TAPT1: variants seen among roughly 807,000 people sequenced by gnomAD.
The protein encoded by TAPT1 is transmembrane anterior posterior transformation 1, also known as transmembrane anterior posterior transformation protein 1 homolog.
TAPT1 carries 28 observed loss-of-function variants against 65.6 expected under a neutral mutation model. That is an observed-to-expected ratio of 0.43 (90% CI 0.32 to 0.59). The LOEUF is 0.59. Ranked by LOEUF, TAPT1 falls within the 20% of genes least tolerant of loss-of-function variation. TAPT1 has a pLI of 0.09. For missense variants in TAPT1, 563 were observed against 679.9 expected (o/e 0.83, Z 1.91); for synonymous variants, 278 against 245.2 (o/e 1.13, Z -1.25).
intron 2 of TAPT1, among the ~76,000 whole-genome samples, chr4:16,205,336 T>G (rs1220847972): frequency 6.6e-6 from 1 of 152,226 alleles, no homozygotes; most frequent in African/African-American, 2.4e-5. Flanking sequence ...TACCACCTGC[T>G]AGTCGAGGAT....
intron 1 of TAPT1, among the ~76,000 whole-genome samples, chr4:16,215,182 T>C (rs540584694): frequency 1.3e-5 from 2 of 151,876 alleles, no homozygotes; most frequent in African/African-American, 4.8e-5. Flanking sequence ...TCCCAGCTGC[T>C]TGGGAGGCTG....
chr4:16,169,185 G>A (rs1029747846), intron 12 of TAPT1, among the ~76,000 whole-genome samples: 7 of 152,220 alleles, frequency 4.6e-5, no homozygotes, highest in South Asian at 2.1e-4. Flanking sequence ...GCACTATCCA[G>A]GTGGAGAAGT....
chr4:16,164,126 T>C (rs1747426638), intron 13 of TAPT1, among the ~76,000 whole-genome samples: 1 of 152,124 alleles, frequency 6.6e-6, no homozygotes, highest in Non-Finnish European at 1.5e-5. Flanking sequence ...GAATCATACA[T>C]TCAATCCATG....
chr4:16,160,785 G>C lies in TAPT1; in HGVS notation c.*2523C>G, dbSNP rs1449112173. The C allele has an allele frequency of 6.6e-6, 1 of 152,618 alleles. No individual in the cohort carries two copies. The highest frequency in any genetic ancestry group is 1.5e-5 in the Non-Finnish European group (1 of 68,034). 9.5% of individuals were successfully genotyped at this position (152,618 alleles called of 1,614,324 possible). On this transcript the variant is annotated 3_prime_UTR_variant, in exon 14 of 14. Coordinates refer to ENST00000405303, the MANE Select transcript of TAPT1 (RefSeq NM_153365.3). Reference sequence around the variant, plus strand: ...GTAAATTTATCTCCTCCTCTGCTGAGTTACCAGGAGTGGCAGGATATATTT... The same window carrying C: ...GTAAATTTATCTCCTCCTCTGCTGACTTACCAGGAGTGGCAGGATATATTT...
intron 12 of TAPT1, among the ~76,000 whole-genome samples, chr4:16,167,741 T>C (rs1340505526): frequency 2.0e-5 from 3 of 152,176 alleles, no homozygotes; most frequent in Non-Finnish European, 2.9e-5. Flanking sequence ...ATTTTGTTAT[T>C]ATTGTTGTTA....
chr4:16,163,518 G>A lies in TAPT1; in HGVS notation c.1494C>T (p.Asn498=), dbSNP rs766788161. Residue 498 remains asparagine, a synonymous_variant, in exon 14 of 14, where the codon AAC becomes AAT. Coordinates refer to ENST00000405303, the MANE Select transcript of TAPT1 (RefSeq NM_153365.3). ...KPSQGLSTEE[N]LSASITKQPI... ...GTTGTTTGGTGATGGAGGCAGACAG[G>A]TTTTCTTCTGTGGAAAGGCCTGTGA... 15 of 1,613,544 alleles carry A rather than the reference G, an allele frequency of 9.3e-6. No individual in the cohort carries two copies. In the South Asian group the frequency reaches 1.4e-4, roughly 15 times the overall value.
At chr4:16,165,313 G>T (rs1187294979) in intron 13 of TAPT1, among the ~76,000 whole-genome samples, 2 of 152,122 alleles carry the variant, frequency 1.3e-5, no homozygotes, top group African/African-American at 4.8e-5. Flanking sequence ...GCTCATGCCT[G>T]TAATCCCAGC....
intron 1 of TAPT1, among the ~76,000 whole-genome samples, chr4:16,223,849 T>C (rs758751790): frequency 5.9e-5 from 9 of 152,258 alleles, no homozygotes; most frequent in East Asian, 3.9e-4. Context: ...GTACCTAATA[T>C]GTACATTCAT....
chr4:16,226,070 G>A (rs1216290229), intron 1 of TAPT1, 189 bp downstream of exon 1: 7 of 1,018,306 alleles, frequency 6.9e-6, no homozygotes, highest in African/African-American at 1.7e-5. Context: ...CGCGCAACCC[G>A]CCCGAGGAAC....
At chr4:16,205,519 A>G (rs1411132879) in intron 2 of TAPT1, among the ~76,000 whole-genome samples, 1 of 152,188 alleles carries the variant, frequency 6.6e-6, no homozygotes, top group African/African-American at 2.4e-5. Context: ...TGAGCTTGAC[A>G]CAAACCGCAT....
chr4:16,185,703 C>T (rs1024595814), intron 7 of TAPT1, among the ~76,000 whole-genome samples: 1 of 152,054 alleles, frequency 6.6e-6, no homozygotes, highest in Admixed American at 6.6e-5. Context: ...TAAAAGGGTT[C>T]TCAGGACCAA....
intron 7 of TAPT1, among the ~76,000 whole-genome samples, chr4:16,180,165 G>C (rs2149681214): frequency 6.6e-6 from 1 of 152,212 alleles, no homozygotes; most frequent in East Asian, 1.9e-4. Flanking sequence ...AGCATTTCCG[G>C]GGGTGTATGT....
At chr4:16,180,761 C>T (rs1748666044) in intron 7 of TAPT1, among the ~76,000 whole-genome samples, 2 of 152,216 alleles carry the variant, frequency 1.3e-5, no homozygotes, top group Admixed American at 1.3e-4. Context: ...TCCTTAAGCT[C>T]TTCCAGTCAG....
intron 10 of TAPT1, 107 bp from the exon 11 acceptor site, chr4:16,174,379 G>A: frequency 2.1e-6 from 2 of 971,892 alleles, no homozygotes; most frequent in Admixed American, 2.8e-5. Context: ...TGAGGCTATG[G>A]AGCAAGAACA....
intron 9 of TAPT1, among the ~76,000 whole-genome samples, chr4:16,175,404 T>C (rs1204512035): frequency 6.6e-6 from 1 of 152,154 alleles, no homozygotes; most frequent in Admixed American, 6.5e-5. Flanking sequence ...CATAATTGAA[T>C]CACAGTTGTT....
chr4:16,186,927 T>G, intron 5 of TAPT1, 49 bp from the exon 6 acceptor site: 1 of 1,014,604 alleles, frequency 9.9e-7, no homozygotes, highest in East Asian at 2.4e-5. Flanking sequence ...ATATTATTAC[T>G]GATAATACTA....
At position 16,198,837 on chromosome 4, in the gene TAPT1, T is replaced by C. The variant is rs145998252; in HGVS notation, c.449+3625A>G. ...AAAGTATTTTTATATTCCAAAATAT[T>C]TGAAAGGTCTTAGACTTAATATTAA... On this transcript the variant is annotated intron_variant, in intron 3 of 13. Transcript: ENST00000405303. Among the ~76,000 whole-genome samples, 490 of 152,342 alleles carry C rather than the reference T, an allele frequency of 3.2e-3. 4 individuals carry two copies. Among genetic ancestry groups the C allele is most frequent in the African/African-American group, 0.011 (462 of 41,584 alleles).
At chr4:16,217,272 G>T (rs1167494107) in intron 1 of TAPT1, among the ~76,000 whole-genome samples, 1 of 152,112 alleles carries the variant, frequency 6.6e-6, no homozygotes, top group Admixed American at 6.5e-5. Context: ...CTGGGACCCA[G>T]CACATAACAG....
intron 8 of TAPT1, among the ~76,000 whole-genome samples, chr4:16,176,958 C>G (rs1748372818): frequency 6.6e-6 from 1 of 152,174 alleles, no homozygotes; most frequent in South Asian, 2.1e-4. Context: ...TTGATCACTA[C>G]AATGTAAAGA....
Sources: gnomAD v4.1 joint callset for allele counts (sites outside exome capture counted in the v4.1 genomes callset) on GRCh38, gnomAD v4.1.1 for gene constraint, MANE v1.5 for transcripts, NCBI Gene and HGNC (gene_info 2026-07-23, HGNC 2026-07-21) for gene names.